Variants in SPAG16 observed in about 807,000 individuals in gnomAD.
SPAG16 encodes sperm associated antigen 16, also known as sperm-associated antigen 16 protein.
A neutral mutation model predicts 80.4 loss-of-function variants in SPAG16; 86 were observed. The observed-to-expected ratio is 1.07, with a 90% CI of 0.90 to 1.28. The LOEUF is 1.28. Among genes scored for constraint, SPAG16 ranks in the 50% most tolerant of loss-of-function variants. The probability of loss-of-function intolerance (pLI) is 0.00; values close to 1 mark genes in which losing one functional copy is unlikely to be tolerated. For missense variants in SPAG16, 870 were observed against 765.3 expected, an observed-to-expected ratio of 1.14 and a Z score of -1.61; for synonymous variants, 294 against 265.9, an observed-to-expected ratio of 1.11 and a Z score of -1.03.
intron 11 of SPAG16, among the ~76,000 whole-genome samples, chr2:213,899,439 C>G (rs186604249): frequency 6.6e-6 from 1 of 152,052 alleles, no homozygotes; most frequent in Non-Finnish European, 1.5e-5. Flanking sequence ...TATATAGAGA[C>G]TGCATGATAA....
intron 13 of SPAG16, among the ~76,000 whole-genome samples, chr2:214,093,027 C>T (rs535096165): frequency 1.8e-4 from 27 of 152,206 alleles, no homozygotes; most frequent in African/African-American, 6.5e-4. Flanking sequence ...AGGAGCACCT[C>T]ATTTTAGAGG....
intron 13 of SPAG16, among the ~76,000 whole-genome samples, chr2:214,086,748 T>C (rs1310638291): frequency 6.6e-6 from 1 of 152,112 alleles, no homozygotes; most frequent in Non-Finnish European, 1.5e-5. Flanking sequence ...TTTCGATGTC[T>C]CCTCCCTACT....
intron 1 of SPAG16, among the ~76,000 whole-genome samples, chr2:213,286,205 A>G (rs894660760): frequency 6.6e-6 from 1 of 152,120 alleles, no homozygotes; most frequent in Non-Finnish European, 1.5e-5. Flanking sequence ...CATATAAGCA[A>G]CTGTAACTTT....
chr2:213,588,326 A>G (rs1202492246), intron 10 of SPAG16, among the ~76,000 whole-genome samples: 2 of 152,214 alleles, frequency 1.3e-5, no homozygotes, highest in African/African-American at 2.4e-5. Context: ...TCATATTCTT[A>G]TATTAACAGG....
intron 12 of SPAG16, among the ~76,000 whole-genome samples, chr2:213,995,923 A>G (rs2046493904): frequency 1.3e-5 from 2 of 152,206 alleles, no homozygotes; most frequent in South Asian, 4.1e-4. Flanking sequence ...ACAAGCATAC[A>G]TACCCCTTTC....
At chr2:213,687,126 T>G (rs1012026302) in intron 10 of SPAG16, among the ~76,000 whole-genome samples, 20 of 152,194 alleles carry the variant, frequency 1.3e-4, no homozygotes, top group Admixed American at 1.0e-3. Context: ...TTTTGGTGGT[T>G]GTTTCTTGCT....
intron 9 of SPAG16, among the ~76,000 whole-genome samples, chr2:213,413,076 G>C (rs1471432402): frequency 6.6e-6 from 1 of 151,914 alleles, no homozygotes. Flanking sequence ...TACTATAAAT[G>C]GTGTTTTATA....
At chr2:214,097,160 A>G (rs1172251455) in intron 13 of SPAG16, among the ~76,000 whole-genome samples, 4 of 152,046 alleles carry the variant, frequency 2.6e-5, no homozygotes, top group Non-Finnish European at 5.9e-5. Flanking sequence ...CAAGCAGAAT[A>G]TAGTAGGTGA....
rs557093161 is a variant in SPAG16, at chr2:214,186,754, T to C, written c.1720+37488T>C. On this transcript the variant is annotated intron_variant, in intron 15 of 15. Coordinates refer to ENST00000331683, the MANE Select transcript of SPAG16 (RefSeq NM_024532.5). ...AACATGCAATATGCAAGTAGTTGTTTTTTTGTTTTTTTGTTTTTTTTTTGA... is the reference window on the plus strand; with the variant it reads ...AACATGCAATATGCAAGTAGTTGTTCTTTTGTTTTTTTGTTTTTTTTTTGA... Among the ~76,000 whole-genome samples the C allele has an allele frequency of 4.9e-4, 75 of 152,028 alleles. 3 individuals are homozygous for C. The South Asian group carries it at 8.9e-3, about 18-fold the overall frequency.
intron 10 of SPAG16, among the ~76,000 whole-genome samples, chr2:213,514,537 T>C (rs1029960507): frequency 6.6e-6 from 1 of 152,050 alleles, no homozygotes; most frequent in African/African-American, 2.4e-5. Flanking sequence ...TACATATGTA[T>C]ACATGTGCCA....
intron 13 of SPAG16, among the ~76,000 whole-genome samples, chr2:214,064,502 T>G (rs1218885824): frequency 2.0e-5 from 3 of 152,100 alleles, no homozygotes; most frequent in Non-Finnish European, 4.4e-5. Context: ...CTCTACATTG[T>G]ATGTGTATTA....
chr2:213,884,611 C>T (rs983262465), intron 11 of SPAG16, among the ~76,000 whole-genome samples: 2 of 152,134 alleles, frequency 1.3e-5, no homozygotes, highest in African/African-American at 4.8e-5. Flanking sequence ...TATTCTCTCT[C>T]CTTCTCTCTC....
In SPAG16 at chr2:213,387,640, G is replaced by T. The variant is rs71426866; in HGVS notation, c.942+12521G>T. ...CGGCTAATTTTTTGTATTTTTAGTA[G>T]AGACGGGGTTTCACCATTTTGGCCG... is the stretch of plus-strand genomic sequence containing the variant. On this transcript the variant is annotated intron_variant, in intron 9 of 15. Coordinates refer to ENST00000331683, the MANE Select transcript of SPAG16 (RefSeq NM_024532.5). Among the ~76,000 whole-genome samples the T allele has an allele frequency of 7.4e-4, 110 of 149,196 alleles. 1 individual carries two copies. In the South Asian group the frequency reaches 0.021, roughly 29 times the overall value.
At chr2:213,372,816 G>A (rs115125124) in intron 8 of SPAG16, among the ~76,000 whole-genome samples, 2,247 of 152,196 alleles carry the variant, frequency 0.015, 28 homozygotes, top group South Asian at 0.037. Context: ...CATGAAGTTA[G>A]GGAGTGGCAC....
chr2:213,703,477 T>C (rs145479759), intron 10 of SPAG16, among the ~76,000 whole-genome samples: 1 of 152,216 alleles, frequency 6.6e-6, no homozygotes, highest in South Asian at 2.1e-4. Context: ...TATAATTCAC[T>C]GTATTTTTGC....
intron 12 of SPAG16, among the ~76,000 whole-genome samples, chr2:213,953,357 T>A (rs928149260): frequency 6.6e-6 from 1 of 151,762 alleles, no homozygotes; most frequent in Non-Finnish European, 1.5e-5. Context: ...TTTTAAAGAA[T>A]AAATAGGTTG....
chr2:213,970,671 C>T (rs1358086598), intron 12 of SPAG16, among the ~76,000 whole-genome samples: 1 of 152,088 alleles, frequency 6.6e-6, no homozygotes, highest in Admixed American at 6.5e-5. Flanking sequence ...GTAGGCATAC[C>T]TTTTTAGATG....
At chr2:213,422,971 G>C (rs569794686) in intron 9 of SPAG16, among the ~76,000 whole-genome samples, 1 of 152,338 alleles carries the variant, frequency 6.6e-6, no homozygotes, top group Admixed American at 6.5e-5. Context: ...ATGACAGCAA[G>C]GCTGTCTTCT....
chr2:213,631,711 G>A (rs2062158510), intron 10 of SPAG16, among the ~76,000 whole-genome samples: 1 of 152,156 alleles, frequency 6.6e-6, no homozygotes, highest in Non-Finnish European at 1.5e-5. Flanking sequence ...CGGATATCTG[G>A]TTTTCCCAGC....
Sources: gnomAD v4.1 joint callset for allele counts (sites outside exome capture counted in the v4.1 genomes callset) on GRCh38, gnomAD v4.1.1 for gene constraint, MANE v1.5 for transcripts, NCBI Gene and HGNC (gene_info 2026-07-23, HGNC 2026-07-21) for gene names.